The following NINJ2 variants were observed in gnomAD, a reference collection of about 807,000 sequenced individuals.
The protein encoded by NINJ2 is ninjurin 2, also known as ninjurin-2.
Under a neutral mutation model 11.7 loss-of-function variants are expected in NINJ2, and 12 were observed. The observed-to-expected ratio is 1.02, with a 90% CI of 0.66 to 1.66. NINJ2 has a LOEUF of 1.66. Ranked by LOEUF, NINJ2 falls within the 40% of genes most tolerant of loss-of-function variation. The pLI is 0.00. For synonymous variants in NINJ2, 93 were observed against 76.8 expected (o/e 1.21, Z -1.10); for missense variants, 187 against 181.8 (o/e 1.03, Z -0.16).
chr12:610,354 T>C, intron 1 of NINJ2: 4 of 1,535,514 alleles, frequency 2.6e-6, no homozygotes, highest in Non-Finnish European at 3.5e-6. Context: ...ACCATATACA[T>C]CATGACTCAG....
intron 1 of NINJ2, among the ~76,000 whole-genome samples, chr12:615,690 C>T (rs1373747607): frequency 6.6e-6 from 1 of 152,238 alleles, no homozygotes; most frequent in Non-Finnish European, 1.5e-5. Context: ...ATCCCTCTTT[C>T]TCAGTTCTCC....
chr12:607,728 A>G (rs1947958640), intron 1 of NINJ2, among the ~76,000 whole-genome samples: 1 of 152,218 alleles, frequency 6.6e-6, no homozygotes, highest in African/African-American at 2.4e-5. Flanking sequence ...GAAGTAGGTC[A>G]GGAGGAGATA....
At chr12:642,747 G>T (rs1948436061) in intron 1 of NINJ2, 1 of 152,182 alleles carries the variant, frequency 6.6e-6, no homozygotes, top group African/African-American at 2.4e-5. Context: ...AGGTGAGGGC[G>T]GCCCTGGGCC....
Position 640,105 on chromosome 12 carries a change from ACACGGAATGTTTGCTCT to A in NINJ2, c.33+23206_33+23222del, listed in dbSNP as rs1948401272. Reference sequence around the variant, plus strand: ...ACAGCAATATGTATCCCCAGTTCACACACGGAATGTTTGCTCTCTAGCAGCCAAATACACTGGAACTG... The same window carrying A: ...ACAGCAATATGTATCCCCAGTTCACACTAGCAGCCAAATACACTGGAACTG... On this transcript the variant is annotated intron_variant, in intron 1 of 3. Coordinates refer to ENST00000305108, the MANE Select transcript of NINJ2 (RefSeq NM_016533.6). The surrounding 1 kb of genome is among the most constrained non-coding windows in gnomAD (Gnocchi z 4.0). Among the ~76,000 whole-genome samples, 1 of 152,246 alleles carries A rather than the reference ACACGGAATGTTTGCTCT, an allele frequency of 6.6e-6. No individual in the cohort carries two copies. The highest frequency in any genetic ancestry group is 6.5e-5 in the Admixed American group (1 of 15,286).
intron 1 of NINJ2, among the ~76,000 whole-genome samples, chr12:584,460 CAG>C (rs1236278972): frequency 1.3e-5 from 2 of 151,888 alleles, no homozygotes; most frequent in African/African-American, 4.8e-5. Context: ...CACCTGAGGT[CAG>C]GAGTTTGAGA....
chr12:567,617 A>G (rs998572319), intron 1 of NINJ2, among the ~76,000 whole-genome samples: 1 of 152,122 alleles, frequency 6.6e-6, no homozygotes, highest in South Asian at 2.1e-4. Flanking sequence ...ACTTCTCTGT[A>G]CCTCAGGGAT....
At chr12:632,119 G>T (rs577837082) in intron 1 of NINJ2, 3 of 152,276 alleles carry the variant, frequency 2.0e-5, no homozygotes, top group Admixed American at 2.0e-4. Flanking sequence ...ATCAGACGTT[G>T]AAGGGACATG....
intron 1 of NINJ2, among the ~76,000 whole-genome samples, chr12:657,988 CTTTTTTTTTTTTTTTT>C (rs1164230214): frequency 9.2e-5 from 5 of 54,398 alleles, no homozygotes; most frequent in Non-Finnish European, 9.6e-5. Flanking sequence ...CCTACACAGG[CTTTTTTTTTTTTTTTT>C]TTTTTTTTTT....
chr12:571,397 C>G (rs1254195234), intron 1 of NINJ2, among the ~76,000 whole-genome samples: 3 of 151,300 alleles, frequency 2.0e-5, no homozygotes. Flanking sequence ...TGCCCCATTC[C>G]TGGGCCTGCC....
At chr12:568,545 C>T (rs892932474) in intron 1 of NINJ2, among the ~76,000 whole-genome samples, 1 of 152,206 alleles carries the variant, frequency 6.6e-6, no homozygotes, top group East Asian at 1.9e-4. Flanking sequence ...ACCCTGGCAG[C>T]CTGTGCCCCG....
chr12:644,806 G>A (rs1937650524), intron 1 of NINJ2: 1 of 152,132 alleles, frequency 6.6e-6, no homozygotes. Flanking sequence ...TAAGCGATAC[G>A]GGTATATTTT....
intron 1 of NINJ2, among the ~76,000 whole-genome samples, chr12:596,792 C>T (rs867248647): frequency 1.3e-5 from 2 of 151,868 alleles, no homozygotes; most frequent in Admixed American, 1.3e-4. Context: ...GGCGTGGCGG[C>T]GTGTGCCTGT....
At chr12:619,717 G>A (rs1948131576) in intron 1 of NINJ2, among the ~76,000 whole-genome samples, 1 of 152,018 alleles carries the variant, frequency 6.6e-6, no homozygotes. Flanking sequence ...AAAAGGGGTA[G>A]CAAAGTAACT....
intron 1 of NINJ2, among the ~76,000 whole-genome samples, chr12:569,172 C>T (rs1425784848): frequency 2.0e-5 from 3 of 152,270 alleles, no homozygotes; most frequent in Non-Finnish European, 4.4e-5. Flanking sequence ...CCACACACGG[C>T]GTTCAGGGCC....
At chr12:624,047 CAAAAACA>C (rs1315782274) in intron 1 of NINJ2, among the ~76,000 whole-genome samples, 1 of 152,000 alleles carries the variant, frequency 6.6e-6, no homozygotes, top group East Asian at 1.9e-4. Context: ...AAAACAAAAA[CAAAAACA>C]AAAACAAAAA....
intron 1 of NINJ2, among the ~76,000 whole-genome samples, chr12:596,564 GAAAC>G (rs553319833): frequency 2.6e-5 from 4 of 152,076 alleles, no homozygotes; most frequent in African/African-American, 7.2e-5. Context: ...TAAAAAGAAA[GAAAC>G]AAACAAACAA....
At chr12:582,463 A>G in intron 1 of NINJ2, among the ~76,000 whole-genome samples, 1 of 118,792 alleles carries the variant, frequency 8.4e-6, no homozygotes, top group African/African-American at 3.5e-5. Flanking sequence ...GCAGGCAGGC[A>G]TGCTAGTGTG....
At chr12:566,302 C>T (rs1470892028) in intron 1 of NINJ2, 124 bp from the exon 2 acceptor site, 1 of 732,254 alleles carries the variant, frequency 1.4e-6, no homozygotes, top group Non-Finnish European at 2.3e-6. Flanking sequence ...GGGCAAATGA[C>T]ACCCTTAGTT....
intron 1 of NINJ2, among the ~76,000 whole-genome samples, chr12:582,782 A>T (rs2535431): frequency 0.17 from 6,872 of 40,420 alleles, 811 homozygotes; most frequent in Non-Finnish European, 0.25. Context: ...GGCATGCTAG[A>T]GTGAATGAAT....
Sources: gnomAD v4.1 joint callset for allele counts (sites outside exome capture counted in the v4.1 genomes callset) on GRCh38, gnomAD v4.1.1 for gene constraint, Gnocchi (gnomAD v3.1) non-coding constraint, MANE v1.5 for transcripts, NCBI Gene and HGNC (gene_info 2026-07-23, HGNC 2026-07-21) for gene names.